DDHD1: variants seen among roughly 807,000 people sequenced by gnomAD.
The protein encoded by DDHD1 is phospholipase DDHD1.
Under a neutral mutation model 96.4 loss-of-function variants are expected in DDHD1, and 49 were observed. The observed-to-expected ratio is 0.51, with a 90% CI of 0.40 to 0.64. The LOEUF is 0.64. DDHD1 is among the 30% of genes least tolerant of loss of function. The probability of loss-of-function intolerance (pLI) is 0.00; values close to 1 mark genes in which losing one functional copy is unlikely to be tolerated. For synonymous variants in DDHD1, 442 were observed against 446.5 expected (o/e 0.99, Z 0.13); for missense variants, 1,106 against 1,161.2 (o/e 0.95, Z 0.69).
At chr14:53,151,846 C>T (rs1362553261) in intron 1 of DDHD1, among the ~76,000 whole-genome samples, 1 of 152,200 alleles carries the variant, frequency 6.6e-6, no homozygotes, top group African/African-American at 2.4e-5. Flanking sequence ...AGCAGATCCT[C>T]TCAAACCTTC....
At chr14:53,092,382 CATAA>C (rs1188549128) in intron 3 of DDHD1, 2 of 148,804 alleles carry the variant, frequency 1.3e-5, no homozygotes, top group Non-Finnish European at 3.0e-5. Flanking sequence ...AACTAATAAA[CATAA>C]AAAGATATTC....
chr14:53,080,011 C>CA (rs963425807), intron 4 of DDHD1, among the ~76,000 whole-genome samples: 4 of 151,884 alleles, frequency 2.6e-5, no homozygotes, highest in African/African-American at 9.7e-5. Flanking sequence ...ACAGCCTGGC[C>CA]AAAAAAAGCA....
chr14:53,119,771 T>G (rs1464344185), intron 1 of DDHD1, among the ~76,000 whole-genome samples: 2 of 152,174 alleles, frequency 1.3e-5, no homozygotes, highest in African/African-American at 4.8e-5. Context: ...TGCTAAAAAC[T>G]CTCAATAAAC....
intron 1 of DDHD1, among the ~76,000 whole-genome samples, chr14:53,147,648 G>C (rs890788957): frequency 2.0e-5 from 3 of 152,134 alleles, no homozygotes; most frequent in African/African-American, 7.2e-5. Context: ...AAGCAGACTT[G>C]ATCTAGGATG....
intron 11 of DDHD1, chr14:53,053,446 G>A (rs2139830635): frequency 6.6e-6 from 1 of 152,164 alleles, no homozygotes; most frequent in African/African-American, 2.4e-5. Context: ...GGCCCAAGTA[G>A]GAATGTTCAA....
intron 6 of DDHD1, among the ~76,000 whole-genome samples, chr14:53,064,612 T>G (rs528794394): frequency 1.3e-4 from 20 of 152,242 alleles, no homozygotes; most frequent in African/African-American, 4.1e-4. Context: ...CTAAAATATT[T>G]CACTATGGAA....
intron 4 of DDHD1, among the ~76,000 whole-genome samples, chr14:53,087,181 A>G (rs1056042030): frequency 4.6e-5 from 7 of 152,014 alleles, no homozygotes; most frequent in Non-Finnish European, 1.0e-4. Flanking sequence ...AGACCCTACA[A>G]AGAGACTTAG....
chr14:53,087,228 C>T (rs995346645), intron 4 of DDHD1, among the ~76,000 whole-genome samples: 2 of 151,970 alleles, frequency 1.3e-5, no homozygotes, highest in Non-Finnish European at 2.9e-5. Flanking sequence ...TTTAACAACC[C>T]ACTGTCAATA....
chr14:53,131,268 C>T (rs546407553), intron 1 of DDHD1, among the ~76,000 whole-genome samples: 1 of 152,072 alleles, frequency 6.6e-6, no homozygotes, highest in Non-Finnish European at 1.5e-5. Context: ...CTATTGTATC[C>T]CCCCACCTTA....
intron 11 of DDHD1, 97 bp downstream of exon 11, chr14:53,054,341 G>A: frequency 1.9e-6 from 2 of 1,042,480 alleles, no homozygotes; most frequent in South Asian, 4.4e-5. Flanking sequence ...TTAGATCTTA[G>A]AGTTGACTAG....
At chr14:53,128,757 G>A (rs1188334431) in intron 1 of DDHD1, among the ~76,000 whole-genome samples, 1 of 152,174 alleles carries the variant, frequency 6.6e-6, no homozygotes, top group African/African-American at 2.4e-5. Context: ...TCAGGCCTCT[G>A]AGCCCAAGCT....
intron 6 of DDHD1, among the ~76,000 whole-genome samples, chr14:53,065,409 G>T (rs922005125): frequency 8.0e-5 from 12 of 149,736 alleles, no homozygotes; most frequent in Non-Finnish European, 1.5e-4. Flanking sequence ...AATTTTAAAA[G>T]CTATTAAAAA....
chr14:53,128,330 C>A (rs1335336270), intron 1 of DDHD1, among the ~76,000 whole-genome samples: 2 of 152,148 alleles, frequency 1.3e-5, no homozygotes, highest in Non-Finnish European at 2.9e-5. Flanking sequence ...TAGCTTTTAA[C>A]AATGGAAACT....
chr14:53,151,977 C>T (rs985007402), intron 1 of DDHD1, among the ~76,000 whole-genome samples: 11 of 152,186 alleles, frequency 7.2e-5, no homozygotes, highest in African/African-American at 2.7e-4. Flanking sequence ...GCTGCGGATC[C>T]GGTCCTGGAT....
chr14:53,039,202 A>G lies in DDHD1; in HGVS notation c.*7566T>C, dbSNP rs1881472123. 6.6e-6 allele frequency: 1 copy of G among 152,176 alleles called. No individual in the cohort carries two copies. Among genetic ancestry groups the G allele is most frequent in the South Asian group, 2.1e-4 (1 of 4,826 alleles). The allele number at this position is 152,176 out of a possible 1,614,324, so 9.4% of individuals were successfully genotyped here. On this transcript the variant is annotated 3_prime_UTR_variant, in exon 13 of 13. Coordinates refer to ENST00000673822, the MANE Select transcript of DDHD1 (RefSeq NM_001160148.2). ...CATTTCTTGTGTATGCTTCCTTTTC[A>G]TGGCAGATGCACATAATCCATGTCA... is the stretch of plus-strand genomic sequence containing the variant.
At chr14:53,094,735 T>C (rs1324356567) in intron 2 of DDHD1, among the ~76,000 whole-genome samples, 1 of 151,750 alleles carries the variant, frequency 6.6e-6, no homozygotes, top group Non-Finnish European at 1.5e-5. Flanking sequence ...TTCCAGCTAC[T>C]TGGGAGGCTG....
chr14:53,132,053 T>C (rs149258377), intron 1 of DDHD1, among the ~76,000 whole-genome samples: 233 of 152,258 alleles, frequency 1.5e-3, no homozygotes, highest in African/African-American at 4.9e-3. Context: ...AAAACCATTA[T>C]ATAAATTCAC....
chr14:53,050,270 A>C (rs1882418934), intron 12 of DDHD1, among the ~76,000 whole-genome samples: 1 of 152,166 alleles, frequency 6.6e-6, no homozygotes, highest in Non-Finnish European at 1.5e-5. Context: ...TATGAAGAGA[A>C]ATACAAGTTA....
At chr14:53,079,799 G>C (rs1885296618) in intron 4 of DDHD1, among the ~76,000 whole-genome samples, 1 of 152,070 alleles carries the variant, frequency 6.6e-6, no homozygotes, top group African/African-American at 2.4e-5. Context: ...TCTTACTGAT[G>C]AATATTTGAG....
Sources: gnomAD v4.1 joint callset for allele counts (sites outside exome capture counted in the v4.1 genomes callset) on GRCh38, gnomAD v4.1.1 for gene constraint, MANE v1.5 for transcripts, NCBI Gene and HGNC (gene_info 2026-07-23, HGNC 2026-07-21) for gene names.